ENAH: variants seen among roughly 807,000 people sequenced by gnomAD.
ENAH encodes protein enabled homolog.
Under a neutral mutation model 78.7 loss-of-function variants are expected in ENAH, and 23 were observed. That is an observed-to-expected ratio of 0.29 (90% confidence interval 0.21 to 0.41). The LOEUF (loss-of-function observed/expected upper bound fraction) is 0.41. Ranked by LOEUF, ENAH falls within the 10% of genes least tolerant of loss-of-function variation. The pLI is 1.00. For synonymous variants in ENAH, 226 were observed against 241.0 expected (o/e 0.94, Z 0.58); for missense variants, 544 against 691.0 (o/e 0.79, Z 2.39).
At chr1:225,598,583 G>A (rs1284867527) in intron 1 of ENAH, among the ~76,000 whole-genome samples, 1 of 151,418 alleles carries the variant, frequency 6.6e-6, no homozygotes, top group African/African-American at 2.4e-5. Context: ...TGTTTTAAGG[G>A]CAAATGGCTA....
intron 1 of ENAH, among the ~76,000 whole-genome samples, chr1:225,592,784 T>C (rs1422499748): frequency 6.6e-6 from 1 of 152,190 alleles, no homozygotes; most frequent in African/African-American, 2.4e-5. Context: ...GAGCCTTTCT[T>C]GGACATTTGT....
Position 225,525,563 on chromosome 1 carries a change from C to G in ENAH, c.434+4991G>C, listed in dbSNP as rs376321980. On this transcript the variant is annotated intron_variant, in intron 4 of 13. Coordinates refer to ENST00000366843, the MANE Select transcript of ENAH (RefSeq NM_018212.6). Reference sequence around the variant, plus strand: ...GGAGCCTTCAGCCCTCCCAGCGCCCCCAACCGGATGGGCTATTCCCTAGGT... The same window carrying G: ...GGAGCCTTCAGCCCTCCCAGCGCCCGCAACCGGATGGGCTATTCCCTAGGT... 1.1e-4 allele frequency among the ~76,000 whole-genome samples: 16 copies of G among 152,294 alleles called. No homozygotes were observed. The South Asian group carries it at 3.3e-3, about 32-fold the overall frequency.
chr1:225,498,196 TC>T, intron 13 of ENAH, 150 bp downstream of exon 13: 1 of 630,822 alleles, frequency 1.6e-6, no homozygotes, highest in South Asian at 2.0e-5. Context: ...AGGAGAAACC[TC>T]CTCCCCAAAA....
chr1:225,631,795 G>GTTGTT (rs149710975), intron 1 of ENAH, among the ~76,000 whole-genome samples: 7,443 of 151,976 alleles, frequency 0.049, 240 homozygotes, highest in South Asian at 0.1. Flanking sequence ...GCAAGAGTTA[G>GTTGTT]TTGTTTTGTT....
rs1019335932 is a variant in ENAH at position 225,517,472 on chromosome 1, C to T, written c.803-166G>A. 5.2e-6 allele frequency: 8 copies of T among 1,551,462 alleles called. No individual in the cohort carries two copies. The African/African-American group carries it at 6.9e-5, about 13-fold the overall frequency. ...GGCCCTGAGGTAGGCGGTGGAGACA[C>T]TGGATATGTTACAGAGTCAACCAGC... On this transcript the variant is annotated intron_variant, in intron 5 of 13. Transcript: ENST00000366843.
chr1:225,530,836 A>G (rs1341307551), intron 3 of ENAH, among the ~76,000 whole-genome samples, 198 bp from the exon 4 acceptor site: 1 of 152,208 alleles, frequency 6.6e-6, no homozygotes, highest in Admixed American at 6.5e-5. Context: ...CATCTCCAGA[A>G]GGCTTACTTG....
rs2096228820 is a variant in ENAH at position 225,492,823 on chromosome 1, T to C, written c.*4952A>G. On this transcript the variant is annotated 3_prime_UTR_variant, in exon 14 of 14. Transcript: ENST00000366843. ...AATAACCAATAAATGTGGCAGACAT[T>C]CTTACAACATCCTAAGTCATTATGA... 7.0e-6 allele frequency: 1 copy of C among 143,502 alleles called. No homozygotes were observed. The highest frequency in any genetic ancestry group is 2.6e-5 in the African/African-American group (1 of 38,088). The allele number at this position is 143,502 out of a possible 1,614,324, so 8.9% of individuals were successfully genotyped here.
intron 1 of ENAH, among the ~76,000 whole-genome samples, chr1:225,627,843 A>G (rs1297353857): frequency 6.6e-6 from 1 of 152,204 alleles, no homozygotes; most frequent in Non-Finnish European, 1.5e-5. Context: ...GAAGAGAGCC[A>G]AACCTACCCC....
intron 1 of ENAH, among the ~76,000 whole-genome samples, chr1:225,632,986 G>T (rs564832448): frequency 6.6e-6 from 1 of 151,886 alleles, no homozygotes; most frequent in Non-Finnish European, 1.5e-5. Context: ...AAGACATAAT[G>T]TACAGGAAGT....
chr1:225,626,649 T>C (rs1256655660), intron 1 of ENAH, among the ~76,000 whole-genome samples: 1 of 152,234 alleles, frequency 6.6e-6, no homozygotes, highest in African/African-American at 2.4e-5. Flanking sequence ...GTTTATAAAT[T>C]ACCCAGTCTA....
chr1:225,583,889 G>A (rs903782019), intron 1 of ENAH, among the ~76,000 whole-genome samples: 1 of 151,690 alleles, frequency 6.6e-6, no homozygotes, highest in Non-Finnish European at 1.5e-5. Context: ...ACAGTGGCTC[G>A]CACCTGTAAT....
chr1:225,576,566 G>C (rs1260798092), intron 1 of ENAH, among the ~76,000 whole-genome samples: 2 of 152,096 alleles, frequency 1.3e-5, no homozygotes, highest in African/African-American at 4.8e-5. Context: ...TATCTGCTGG[G>C]GCATGCTTTA....
rs1038459654 is a variant in ENAH, at chr1:225,559,114, T to C, written c.172-4031A>G. On this transcript the variant is annotated intron_variant, in intron 2 of 13. Transcript: ENST00000366843. ...ATTTTAATCACAAGTTTAGTTGCATTCTATTAGTGTTAATATGTGGCATGT... is the reference window on the plus strand; with the variant it reads ...ATTTTAATCACAAGTTTAGTTGCATCCTATTAGTGTTAATATGTGGCATGT... Among the ~76,000 whole-genome samples, 4 of 152,248 alleles carry C rather than the reference T, an allele frequency of 2.6e-5. No individual in the cohort carries two copies. In the East Asian group the frequency reaches 7.7e-4, roughly 29 times the overall value.
At chr1:225,559,947 T>C (rs1212587209) in intron 2 of ENAH, among the ~76,000 whole-genome samples, 1 of 152,134 alleles carries the variant, frequency 6.6e-6, no homozygotes, top group African/African-American at 2.4e-5. Context: ...TGGGAAGCAT[T>C]GGGAGTGCCA....
chr1:225,512,819 C>T (rs1429969974), intron 8 of ENAH, 52 bp downstream of exon 8: 2 of 1,608,134 alleles, frequency 1.2e-6, no homozygotes, highest in Non-Finnish European at 1.7e-6. Context: ...ATTTGGAATA[C>T]AATTAAAATC....
intron 1 of ENAH, among the ~76,000 whole-genome samples, chr1:225,638,801 A>C (rs773916336): frequency 1.3e-5 from 2 of 152,238 alleles, no homozygotes; most frequent in African/African-American, 2.4e-5. Context: ...AAATTAGAGA[A>C]TCTATAACGA....
intron 3 of ENAH, among the ~76,000 whole-genome samples, chr1:225,544,905 G>C (rs191899516): frequency 1.3e-5 from 2 of 152,138 alleles, no homozygotes; most frequent in Admixed American, 1.3e-4. Context: ...GAAACAGCTA[G>C]TAACAACAGT....
chr1:225,640,286 T>C (rs1251855456), intron 1 of ENAH, among the ~76,000 whole-genome samples: 1 of 152,214 alleles, frequency 6.6e-6, no homozygotes, highest in East Asian at 1.9e-4. Flanking sequence ...GTTGCAACCA[T>C]AACATGAATG....
At chr1:225,573,038 T>G (rs2096771097) in intron 1 of ENAH, among the ~76,000 whole-genome samples, 1 of 152,200 alleles carries the variant, frequency 6.6e-6, no homozygotes, top group African/African-American at 2.4e-5. Context: ...TGAGCAGGTA[T>G]ATGTGATGAG....
Sources: allele counts gnomAD v4.1 joint callset (sites outside exome capture counted in the v4.1 genomes callset), GRCh38; gene constraint gnomAD v4.1.1; transcripts MANE v1.5; gene names NCBI Gene and HGNC (gene_info 2026-07-23, HGNC 2026-07-21).